Variants in CNTNAP5 observed in about 807,000 individuals in gnomAD.
The protein encoded by CNTNAP5 is contactin-associated protein-like 5.
Under a neutral mutation model 150.2 loss-of-function variants are expected in CNTNAP5, and 72 were observed. The ratio of observed to expected loss-of-function variants is 0.48; its 90% CI spans 0.40 to 0.58. The LOEUF is 0.58. Among genes scored for constraint, CNTNAP5 ranks in the 20% least tolerant of loss-of-function variants. CNTNAP5 has a pLI of 0.00. For synonymous variants in CNTNAP5, 672 were observed against 619.8 expected, an observed-to-expected ratio of 1.08 and a Z score of -1.25; for missense variants, 1,636 against 1,626.2, an observed-to-expected ratio of 1.01 and a Z score of -0.10.
intron 3 of CNTNAP5, among the ~76,000 whole-genome samples, chr2:124,409,827 C>G (rs1353363180): frequency 6.6e-6 from 1 of 152,098 alleles, no homozygotes; most frequent in Non-Finnish European, 1.5e-5. Context: ...AACTAACGAG[C>G]AAACTCACCA....
chr2:124,763,443 G>A (rs914445703), intron 14 of CNTNAP5, among the ~76,000 whole-genome samples: 1 of 152,074 alleles, frequency 6.6e-6, no homozygotes, highest in Admixed American at 6.6e-5. Context: ...ACAAGCACAC[G>A]TGGGGAAGAT....
chr2:124,478,236 T>C (rs1693688332), intron 7 of CNTNAP5, among the ~76,000 whole-genome samples: 2 of 152,284 alleles, frequency 1.3e-5, no homozygotes, highest in African/African-American at 4.8e-5. Context: ...CTAAGTGTTG[T>C]GGTGACTTTT....
In CNTNAP5 at chr2:124,472,397, G is replaced by A. The variant is rs982394441; in HGVS notation, c.919-2342G>A. 5.9e-5 allele frequency among the ~76,000 whole-genome samples: 9 copies of A among 151,968 alleles called. No homozygotes were observed. The East Asian group carries it at 7.7e-4, about 13-fold the overall frequency. ...AGAAATAAAATTTTTGTTTTGTTTC[G>A]TGATGGTATTGTTGTTGATGTTACA... On this transcript the variant is annotated intron_variant, in intron 6 of 23. Transcript: ENST00000682447.
At chr2:124,718,658 C>T (rs1192208172) in intron 13 of CNTNAP5, among the ~76,000 whole-genome samples, 1 of 151,970 alleles carries the variant, frequency 6.6e-6, no homozygotes, top group African/African-American at 2.4e-5. Flanking sequence ...CTTTAGTGAC[C>T]AGATACTTAG....
intron 1 of CNTNAP5, among the ~76,000 whole-genome samples, chr2:124,107,490 C>T (rs544892450): frequency 3.4e-4 from 52 of 152,306 alleles, no homozygotes; most frequent in African/African-American, 1.1e-3. Flanking sequence ...AGATGTGTCT[C>T]CTACATACAG....
At chr2:124,509,157 C>G (rs927384878) in intron 8 of CNTNAP5, among the ~76,000 whole-genome samples, 1 of 152,150 alleles carries the variant, frequency 6.6e-6, no homozygotes, top group Non-Finnish European at 1.5e-5. Context: ...AACCCTGTTC[C>G]CCGAGCTTTG....
rs1680277295 is a variant in CNTNAP5 at position 124,731,782 on chromosome 2, G to A, written c.2078-15447G>A. On this transcript the variant is annotated intron_variant, in intron 13 of 23. Coordinates refer to ENST00000682447, the MANE Select transcript of CNTNAP5 (RefSeq NM_001367498.1). ...TGAGTGTGTGTTTCTGGGTGTATGAGTGTGAGTGTGTTTATGAGTGTATGT... is the reference window on the plus strand; with the variant it reads ...TGAGTGTGTGTTTCTGGGTGTATGAATGTGAGTGTGTTTATGAGTGTATGT... Among the ~76,000 whole-genome samples the A allele has an allele frequency of 2.0e-5, 3 of 150,684 alleles. No homozygotes were observed. The South Asian group carries it at 6.2e-4, about 31-fold the overall frequency.
At chr2:124,460,936 A>G (rs1693232445) in intron 6 of CNTNAP5, among the ~76,000 whole-genome samples, 1 of 152,246 alleles carries the variant, frequency 6.6e-6, no homozygotes, top group Non-Finnish European at 1.5e-5. Flanking sequence ...AACTGAAAAA[A>G]ATAAAGAAAA....
intron 12 of CNTNAP5, among the ~76,000 whole-genome samples, chr2:124,617,107 C>T (rs1341283443): frequency 2.0e-5 from 3 of 151,318 alleles, no homozygotes; most frequent in Admixed American, 1.3e-4. Flanking sequence ...TAATAATATA[C>T]ATAAATTACC....
At chr2:124,323,798 T>C (rs1689154417) in intron 3 of CNTNAP5, among the ~76,000 whole-genome samples, 1 of 152,170 alleles carries the variant, frequency 6.6e-6, no homozygotes, top group Non-Finnish European at 1.5e-5. Flanking sequence ...TCATTTGATA[T>C]TCCACCTTCA....
chr2:124,127,766 AC>A (rs547194956), intron 1 of CNTNAP5, among the ~76,000 whole-genome samples: 179 of 152,234 alleles, frequency 1.2e-3, no homozygotes, highest in Non-Finnish European at 1.6e-3. Context: ...CACACCTACA[AC>A]CATTTGACCT....
At chr2:124,738,693 TGTAC>T (rs1680437627) in intron 13 of CNTNAP5, among the ~76,000 whole-genome samples, 1 of 149,706 alleles carries the variant, frequency 6.7e-6, no homozygotes, top group South Asian at 2.1e-4. Flanking sequence ...ATTATGCCAC[TGTAC>T]TCTAGCCTGG....
chr2:124,707,610 T>A (rs1288523676), intron 13 of CNTNAP5, among the ~76,000 whole-genome samples: 2 of 152,176 alleles, frequency 1.3e-5, no homozygotes, highest in Non-Finnish European at 2.9e-5. Context: ...CATTCCTCGA[T>A]GGCCAGAAAT....
chr2:124,279,130 T>C (rs377175559), intron 3 of CNTNAP5, among the ~76,000 whole-genome samples: 5 of 152,002 alleles, frequency 3.3e-5, no homozygotes, highest in Admixed American at 2.6e-4. Flanking sequence ...CGCCGCTGTC[T>C]GAGCATGACT....
intron 6 of CNTNAP5, among the ~76,000 whole-genome samples, chr2:124,471,036 A>G (rs542845513): frequency 6.6e-6 from 1 of 152,098 alleles, no homozygotes; most frequent in African/African-American, 2.4e-5. Context: ...TTTGCTTAGG[A>G]TTGTCTTGGC....
chr2:124,776,698 A>T (rs1243538745), intron 17 of CNTNAP5, among the ~76,000 whole-genome samples: 2 of 152,176 alleles, frequency 1.3e-5, no homozygotes, highest in Non-Finnish European at 2.9e-5. Context: ...GCATGATGTC[A>T]TGTGTCTCAC....
rs141698767 is a variant in CNTNAP5 at position 124,832,298 on chromosome 2, G to A, written c.3218-33008G>A. 1.1e-3 allele frequency among the ~76,000 whole-genome samples: 162 copies of A among 152,118 alleles called. 1 individual carries two copies. Among genetic ancestry groups the A allele is most frequent in the African/African-American group, 3.4e-3 (142 of 41,542 alleles). On this transcript the variant is annotated intron_variant, in intron 19 of 23. Coordinates refer to ENST00000682447, the MANE Select transcript of CNTNAP5 (RefSeq NM_001367498.1). ...TAAACTTACTAATTCATGAGTGCTC[G>A]TTTATTTATGCATCTACTTAGTACC...
intron 3 of CNTNAP5, among the ~76,000 whole-genome samples, chr2:124,393,493 T>G (rs1219371314): frequency 6.6e-6 from 1 of 152,136 alleles, no homozygotes; most frequent in Admixed American, 6.5e-5. Flanking sequence ...CAAAGCAAAT[T>G]ACACACAGAA....
chr2:124,671,965 G>A (rs1448649383), intron 13 of CNTNAP5, among the ~76,000 whole-genome samples: 1 of 152,080 alleles, frequency 6.6e-6, no homozygotes, highest in East Asian at 1.9e-4. Context: ...AAAGCCCAAA[G>A]GCCACCACTT....
Sources: allele counts gnomAD v4.1 joint callset (sites outside exome capture counted in the v4.1 genomes callset), GRCh38; gene constraint gnomAD v4.1.1; transcripts MANE v1.5; gene names NCBI Gene and HGNC (gene_info 2026-07-23, HGNC 2026-07-21).